Variants in PARVB observed in about 807,000 individuals in gnomAD.
The protein encoded by PARVB is parvin beta, also known as beta-parvin.
A neutral mutation model predicts 47.0 loss-of-function variants in PARVB; 46 were observed. The ratio of observed to expected loss-of-function variants is 0.98; its 90% confidence interval spans 0.77 to 1.25. The LOEUF is 1.25. Ranked by LOEUF, PARVB falls within the 50% of genes most tolerant of loss-of-function variation. The probability of loss-of-function intolerance (pLI) is 0.00; values close to 1 mark genes in which losing one functional copy is unlikely to be tolerated. For synonymous variants in PARVB, 196 were observed against 196.3 expected, an observed-to-expected ratio of 1.00 and a Z score of 0.01; for missense variants, 473 against 471.6, an observed-to-expected ratio of 1.00 and a Z score of -0.03.
chr22:44,088,942 C>T (rs369833700), intron 1 of PARVB, among the ~76,000 whole-genome samples: 10 of 152,232 alleles, frequency 6.6e-5, no homozygotes, highest in South Asian at 2.1e-4. Context: ...TCTGGCTGGC[C>T]CACAAAATTT....
chr22:44,007,598 A>G (rs2146848687), intron 2 of PARVB, among the ~76,000 whole-genome samples: 1 of 152,172 alleles, frequency 6.6e-6, no homozygotes, highest in Non-Finnish European at 1.5e-5. Flanking sequence ...CCAATCCCCC[A>G]AGGCAAGACT....
Position 44,036,508 on chromosome 22 carries a change from G to A in PARVB, c.112+12057G>A, listed in dbSNP as rs574312722. ...TTTAAAAATATTTCTGGGCTACGTG[G>A]TTTGCAGTTTTTTCAAATTGTCACA... On this transcript the variant is annotated intron_variant, in intron 1 of 12. Coordinates refer to ENST00000338758, the MANE Select transcript of PARVB (RefSeq NM_013327.5). 7.9e-4 allele frequency among the ~76,000 whole-genome samples: 120 copies of A among 152,092 alleles called. 1 individual carries two copies. Among genetic ancestry groups the A allele is most frequent in the African/African-American group, 2.7e-3 (111 of 41,494 alleles).
intron 7 of PARVB, among the ~76,000 whole-genome samples, chr22:44,137,137 A>G (rs1426665226): frequency 6.6e-6 from 1 of 152,264 alleles, no homozygotes; most frequent in Non-Finnish European, 1.5e-5. Flanking sequence ...TTAAAAATTG[A>G]TTGTCTCAGC....
Position 44,047,563 on chromosome 22 carries a change from A to T in PARVB, c.112+23112A>T, listed in dbSNP as rs184830885. 3.9e-5 allele frequency among the ~76,000 whole-genome samples: 6 copies of T among 152,276 alleles called. No homozygotes were observed. The East Asian group carries it at 1.2e-3, about 29-fold the overall frequency. On this transcript the variant is annotated intron_variant, in intron 1 of 12. Transcript: ENST00000338758. ...GTAATCCCAGCTATTTGGGAGGCTGAGGCAGGAGAATCACTTGAACCCAGG... is the reference window on the plus strand; with the variant it reads ...GTAATCCCAGCTATTTGGGAGGCTGTGGCAGGAGAATCACTTGAACCCAGG...
chr22:44,081,933 C>T (rs974882933), intron 1 of PARVB, among the ~76,000 whole-genome samples: 6 of 152,196 alleles, frequency 3.9e-5, no homozygotes, highest in African/African-American at 1.4e-4. Context: ...CCCCTGAAAG[C>T]CAGCGTGATG....
chr22:44,097,922 G>A (rs1202998017), intron 2 of PARVB, among the ~76,000 whole-genome samples: 1 of 152,144 alleles, frequency 6.6e-6, no homozygotes, highest in Non-Finnish European at 1.5e-5. Context: ...GCCGACTGAG[G>A]CAGGACCCCT....
At chr22:44,140,863 T>C in intron 8 of PARVB, 1 of 226,012 alleles carries the variant, frequency 4.4e-6, no homozygotes, top group South Asian at 6.5e-5. Context: ...GCCTGAGACC[T>C]CATCTTCATC....
rs1007586409 is a variant in PARVB, at chr22:44,103,230, G to C, written c.273+3107G>C. On this transcript the variant is annotated intron_variant, in intron 3 of 12. Transcript: ENST00000338758. The surrounding 1 kb of genome is among the most constrained non-coding windows in gnomAD (Gnocchi z 4.6). The stretch of plus-strand genomic sequence containing the variant: ...ATGGGAAAGCTAATTAGCATCCTTT[G>C]GGGCAAAGTACAACTATGGGGCAAA... 2 of 152,222 alleles carry C rather than the reference G, an allele frequency of 1.3e-5. No homozygotes were observed. Among genetic ancestry groups the C allele is most frequent in the Non-Finnish European group, 1.5e-5 (1 of 68,082 alleles). The allele number at this position is 152,222 out of a possible 1,614,324, so 9.4% of individuals were successfully genotyped here.
chr22:44,164,914 G>A (rs988267193), intron 12 of PARVB, among the ~76,000 whole-genome samples: 71 of 152,176 alleles, frequency 4.7e-4, no homozygotes, highest in Admixed American at 4.2e-3. Context: ...GTTCCTGGCC[G>A]GTCCCTTCCT....
intron 2 of PARVB, among the ~76,000 whole-genome samples, chr22:44,001,245 A>G (rs1255000729): frequency 6.6e-6 from 1 of 152,194 alleles, no homozygotes; most frequent in African/African-American, 2.4e-5. Context: ...GCGAGACTCC[A>G]TCTCAGAAAA....
At chr22:44,127,601 G>A (rs1243580079) in intron 4 of PARVB, among the ~76,000 whole-genome samples, 2 of 152,226 alleles carry the variant, frequency 1.3e-5, no homozygotes, top group Admixed American at 1.3e-4. Flanking sequence ...GCCATTAGTG[G>A]TCAGGAAGAG....
chr22:44,076,834 G>C (rs1056106566), intron 1 of PARVB, among the ~76,000 whole-genome samples: 3 of 152,176 alleles, frequency 2.0e-5, no homozygotes, highest in Admixed American at 1.3e-4. Context: ...GTGCCCACAG[G>C]CTGGGGGCTG....
intron 2 of PARVB, among the ~76,000 whole-genome samples, chr22:43,999,978 G>T (rs9626085): frequency 6.6e-6 from 1 of 151,906 alleles, no homozygotes; most frequent in Non-Finnish European, 1.5e-5. Context: ...CTGCACTCCA[G>T]CTGGGGTGAC....
At chr22:44,117,868 CTG>C (rs2052946438) in intron 3 of PARVB, among the ~76,000 whole-genome samples, 1 of 152,158 alleles carries the variant, frequency 6.6e-6, no homozygotes, top group South Asian at 2.1e-4. Flanking sequence ...ATCACACACT[CTG>C]TGCCATTGAT....
chr22:44,059,604 G>T (rs953395642), intron 1 of PARVB, among the ~76,000 whole-genome samples: 2 of 152,162 alleles, frequency 1.3e-5, no homozygotes, highest in South Asian at 4.1e-4. Context: ...GAAGTAGAAG[G>T]CACCGGTATG....
intron 6 of PARVB, among the ~76,000 whole-genome samples, chr22:44,135,706 G>C (rs1198976370): frequency 6.6e-6 from 1 of 152,218 alleles, no homozygotes; most frequent in Non-Finnish European, 1.5e-5. Flanking sequence ...CCAGAAGTCT[G>C]AAATCAAGAT....
At chr22:44,154,678 G>A (rs368872162) in intron 10 of PARVB, among the ~76,000 whole-genome samples, 42 of 146,596 alleles carry the variant, frequency 2.9e-4, no homozygotes, top group African/African-American at 8.8e-4. Flanking sequence ...GGTGTGTGGT[G>A]TGTGTGGTTT....
At chr22:44,017,690 A>G (rs991586300) in intron 2 of PARVB, among the ~76,000 whole-genome samples, 3 of 152,168 alleles carry the variant, frequency 2.0e-5, no homozygotes, top group African/African-American at 7.2e-5. Flanking sequence ...TTTCCTGGGC[A>G]CTCACCAGAC....
chr22:43,999,569 G>A, exon 2 of PARVB: 1 of 1,612,212 alleles, frequency 6.2e-7, no homozygotes, highest in South Asian at 1.1e-5. Flanking sequence ...TGTTCCTGCA[G>A]CTGGGGCCTG....
Sources: allele counts gnomAD v4.1 joint callset (sites outside exome capture counted in the v4.1 genomes callset), GRCh38; gene constraint gnomAD v4.1.1; non-coding constraint Gnocchi (gnomAD v3.1); transcripts MANE v1.5; gene names NCBI Gene and HGNC (gene_info 2026-07-23, HGNC 2026-07-21).